Variants in LRCH3 observed in about 807,000 individuals in gnomAD.
LRCH3 encodes the protein DISP complex protein LRCH3.
LRCH3 carries 68 observed loss-of-function variants against 104.5 expected under a neutral mutation model. That is an observed-to-expected ratio of 0.65 (90% CI 0.54 to 0.80). The LOEUF (loss-of-function observed/expected upper bound fraction) is 0.80, where lower values mean the gene tolerates loss of function less well. LRCH3 is among the 30% of genes least tolerant of loss of function. The probability of loss-of-function intolerance (pLI) is 0.00; values close to 1 mark genes in which losing one functional copy is unlikely to be tolerated. For synonymous variants in LRCH3, 344 were observed against 361.3 expected (o/e 0.95, Z 0.54); for missense variants, 951 against 953.9 (o/e 1.00, Z 0.04).
At chr3:197,792,180 G>C (rs927366925) in intron 1 of LRCH3, among the ~76,000 whole-genome samples, 1 of 151,786 alleles carries the variant, frequency 6.6e-6, no homozygotes, top group Non-Finnish European at 1.5e-5. Context: ...CCTCCATCTA[G>C]TTGACTTACA....
intron 1 of LRCH3, 63 bp from the exon 2 acceptor site, chr3:197,814,845 A>G: frequency 7.2e-7 from 1 of 1,381,414 alleles, no homozygotes; most frequent in Non-Finnish European, 9.8e-7. Context: ...GTGGAAAATC[A>G]AAAGATTTCA....
intron 1 of LRCH3, among the ~76,000 whole-genome samples, chr3:197,800,208 A>G (rs911704514): frequency 3.3e-5 from 5 of 152,180 alleles, no homozygotes; most frequent in Admixed American, 2.0e-4. Context: ...CTCAAAAAAA[A>G]AAACCCCACA....
At chr3:197,812,692 G>A (rs937287129) in intron 1 of LRCH3, among the ~76,000 whole-genome samples, 1 of 151,788 alleles carries the variant, frequency 6.6e-6, no homozygotes, top group African/African-American at 2.4e-5. Flanking sequence ...CTCCCAAGTA[G>A]CTGAGATTAC....
chr3:197,861,730 G>A (rs1052487030), intron 15 of LRCH3, among the ~76,000 whole-genome samples: 4 of 150,066 alleles, frequency 2.7e-5, no homozygotes, highest in African/African-American at 9.8e-5. Flanking sequence ...TCAGTTCTGG[G>A]TTTTTTTTTC....
At chr3:197,879,443 G>C (rs192390869) in intron 20 of LRCH3, among the ~76,000 whole-genome samples, 140 of 151,428 alleles carry the variant, frequency 9.2e-4, no homozygotes, top group Middle Eastern at 3.4e-3. Context: ...TCAGGAGATC[G>C]AGACCATCCT....
chr3:197,858,252 AAT>A (rs1740502652), intron 14 of LRCH3, among the ~76,000 whole-genome samples: 1 of 152,154 alleles, frequency 6.6e-6, no homozygotes, highest in Non-Finnish European at 1.5e-5. Flanking sequence ...ATCTATCTCT[AAT>A]ACAGCTAACC....
intron 1 of LRCH3, among the ~76,000 whole-genome samples, chr3:197,812,393 AT>A (rs1466075838): frequency 6.6e-6 from 1 of 151,790 alleles, no homozygotes; most frequent in Admixed American, 6.6e-5. Flanking sequence ...ATTTATGGAA[AT>A]ATCTGTTCAC....
chr3:197,819,273 T>A (rs1175364129), intron 3 of LRCH3, among the ~76,000 whole-genome samples: 1 of 152,174 alleles, frequency 6.6e-6, no homozygotes, highest in Non-Finnish European at 1.5e-5. Flanking sequence ...ATACGTATTT[T>A]CTGAGAGATT....
At chr3:197,826,111 G>C (rs373052165) in intron 4 of LRCH3, among the ~76,000 whole-genome samples, 4 of 152,072 alleles carry the variant, frequency 2.6e-5, no homozygotes, top group African/African-American at 9.7e-5. Flanking sequence ...TCTTTATATG[G>C]CTGATTAGAA....
At chr3:197,871,639 C>A in intron 19 of LRCH3, 177 bp downstream of exon 19, 1 of 728,432 alleles carries the variant, frequency 1.4e-6, no homozygotes, top group Middle Eastern at 2.9e-4. Flanking sequence ...CAGCTACTTA[C>A]AGCAGTGCGA....
chr3:197,799,739 G>A (rs1187343570), intron 1 of LRCH3, among the ~76,000 whole-genome samples: 1 of 152,008 alleles, frequency 6.6e-6, no homozygotes, highest in African/African-American at 2.4e-5. Context: ...GTGGTGGCAC[G>A]CGCCTGTAAT....
chr3:197,852,889 C>A, intron 13 of LRCH3, among the ~76,000 whole-genome samples: 1 of 152,154 alleles, frequency 6.6e-6, no homozygotes, highest in East Asian at 1.9e-4. Context: ...GTCTCCTCCA[C>A]TTTTGAAGCG....
At chr3:197,879,457 T>TGGTC (rs1713327026) in intron 20 of LRCH3, among the ~76,000 whole-genome samples, 1 of 150,304 alleles carries the variant, frequency 6.7e-6, no homozygotes, top group Non-Finnish European at 1.5e-5. Flanking sequence ...CCATCCTGGC[T>TGGTC]AACATGGTGA....
Position 197,888,225 on chromosome 3 carries a change from A to G in LRCH3, c.*4559A>G, listed in dbSNP as rs1398444193. 6.6e-6 allele frequency: 1 copy of G among 152,252 alleles called. No individual in the cohort carries two copies. Among genetic ancestry groups the G allele is most frequent in the Non-Finnish European group, 1.5e-5 (1 of 68,046 alleles). The allele number at this position is 152,252 out of a possible 1,614,324, so 9.4% of individuals were successfully genotyped here. On this transcript the variant is annotated 3_prime_UTR_variant, in exon 21 of 21. Coordinates refer to ENST00000425562, the MANE Select transcript of LRCH3 (RefSeq NM_001365715.1). ...ACACAGTGCAGTTGAGATGGTTTAC[A>G]GCAAATTTCGTTTTATTTCTGAAAA...
At chr3:197,804,690 A>G (rs114520571) in intron 1 of LRCH3, among the ~76,000 whole-genome samples, 120 of 152,312 alleles carry the variant, frequency 7.9e-4, no homozygotes, top group African/African-American at 2.8e-3. Flanking sequence ...TTGTGAAGAC[A>G]ATGTTTAGTA....
At chr3:197,793,035 G>C (rs1218176627) in intron 1 of LRCH3, among the ~76,000 whole-genome samples, 1 of 152,030 alleles carries the variant, frequency 6.6e-6, no homozygotes, top group Non-Finnish European at 1.5e-5. Flanking sequence ...GCTATCCGCC[G>C]ACCTCGGCCT....
chr3:197,842,741 A>C (rs1262184826), intron 10 of LRCH3, among the ~76,000 whole-genome samples: 3 of 152,114 alleles, frequency 2.0e-5, no homozygotes, highest in Non-Finnish European at 4.4e-5. Context: ...GGATTATGTA[A>C]ATTTGAAATT....
At chr3:197,792,087 G>GGT (rs1293041844) in intron 1 of LRCH3, among the ~76,000 whole-genome samples, 83 of 151,894 alleles carry the variant, frequency 5.5e-4, no homozygotes, top group African/African-American at 2.0e-3. Flanking sequence ...GAAGTGTTGG[G>GGT]GTGTGTGTGT....
At position 197,791,312 on chromosome 3, in the gene LRCH3, G is replaced by A; in HGVS notation, c.34G>A (p.Ala12Thr). Residue 12 changes from alanine (A) to threonine (T), a missense_variant, in exon 1 of 21, where the codon GCT (alanine) becomes ACT (threonine). Ala to Thr is a moderately conservative substitution (Grantham distance 58, BLOSUM62 0). Transcript: ENST00000425562. ...AAAGLVAVAA[A>T]AEYSGTVASG... ...CGCGGGCTTGGTCGCTGTGGCAGCG[G>A]CTGCCGAGTACTCTGGCACGGTAGC... is the stretch of plus-strand genomic sequence containing the variant. 6.2e-7 allele frequency: 1 copy of A among 1,609,150 alleles called. No individual in the cohort carries two copies. The highest frequency in any genetic ancestry group is 1.3e-5 in the African/African-American group (1 of 74,762).
Sources: gnomAD v4.1 joint callset for allele counts (sites outside exome capture counted in the v4.1 genomes callset) on GRCh38, gnomAD v4.1.1 for gene constraint, MANE v1.5 for transcripts, NCBI Gene and HGNC (gene_info 2026-07-23, HGNC 2026-07-21) for gene names.